PDLIM5: variants seen among roughly 807,000 people sequenced by gnomAD.
The protein encoded by PDLIM5 is PDZ and LIM domain 5, also known as PDZ and LIM domain protein 5.
PDLIM5 carries 34 observed loss-of-function variants against 64.2 expected under a neutral mutation model. The observed-to-expected ratio is 0.53, with a 90% CI of 0.40 to 0.71. PDLIM5 has a LOEUF of 0.71. Among genes scored for constraint, PDLIM5 ranks in the 30% least tolerant of loss-of-function variants. PDLIM5 has a pLI of 0.00. For synonymous variants in PDLIM5, 253 were observed against 269.1 expected, an observed-to-expected ratio of 0.94 and a Z score of 0.59; for missense variants, 683 against 733.6, an observed-to-expected ratio of 0.93 and a Z score of 0.80.
chr4:94,569,790 C>G (rs1475652092), intron 3 of PDLIM5, among the ~76,000 whole-genome samples: 2 of 152,184 alleles, frequency 1.3e-5, no homozygotes, highest in Non-Finnish European at 2.9e-5. Context: ...ACTTATGCTA[C>G]TTAAATTTAA....
rs147213128 is a variant in PDLIM5 at position 94,526,479 on chromosome 4, T to C, written c.248+2604T>C. On this transcript the variant is annotated intron_variant, in intron 3 of 12. Transcript: ENST00000317968. ...TATTTTAGAGTCCCATTATTATTCA[T>C]TGGCGTTCTCTTCAAGTTTTTGAGC... 4.5e-3 allele frequency among the ~76,000 whole-genome samples: 691 copies of C among 152,334 alleles called. 16 individuals carry two copies. The highest frequency in any genetic ancestry group is 7.3e-3 in the East Asian group (38 of 5,192).
intron 7 of PDLIM5, among the ~76,000 whole-genome samples, chr4:94,594,695 C>A (rs1364185874): frequency 6.6e-6 from 1 of 151,972 alleles, no homozygotes. Flanking sequence ...TCTCAATTTT[C>A]TACTATATTA....
At chr4:94,646,768 C>T (rs1012278181) in intron 9 of PDLIM5, among the ~76,000 whole-genome samples, 6 of 152,162 alleles carry the variant, frequency 3.9e-5, no homozygotes, top group African/African-American at 1.4e-4. Context: ...AGTTACCATA[C>T]TGGCACCATG....
chr4:94,533,441 C>T (rs1731065642), intron 3 of PDLIM5, among the ~76,000 whole-genome samples: 1 of 152,098 alleles, frequency 6.6e-6, no homozygotes. Flanking sequence ...TGGATCACAC[C>T]TAAAATAGTC....
chr4:94,518,010 A>G (rs894680701), intron 2 of PDLIM5, among the ~76,000 whole-genome samples: 5 of 152,174 alleles, frequency 3.3e-5, no homozygotes, highest in African/African-American at 1.2e-4. Context: ...AAACGCAAAT[A>G]GAGGTTATTG....
At chr4:94,633,681 A>G (rs1340651644) in intron 8 of PDLIM5, among the ~76,000 whole-genome samples, 1 of 152,154 alleles carries the variant, frequency 6.6e-6, no homozygotes, top group East Asian at 1.9e-4. Context: ...GGTGCTAGGG[A>G]TAGAGCAATG....
chr4:94,585,325 C>T (rs551933940), intron 5 of PDLIM5, among the ~76,000 whole-genome samples: 1 of 152,218 alleles, frequency 6.6e-6, no homozygotes, highest in Admixed American at 6.5e-5. Flanking sequence ...CTCCTGACCT[C>T]ATGATCCGCC....
At chr4:94,488,810 C>T (rs1296447886) in intron 2 of PDLIM5, among the ~76,000 whole-genome samples, 1 of 152,326 alleles carries the variant, frequency 6.6e-6, no homozygotes, top group South Asian at 2.1e-4. Context: ...TCCCCCTCTC[C>T]ACCCTCTTTG....
intron 3 of PDLIM5, among the ~76,000 whole-genome samples, chr4:94,546,438 A>T (rs1274587337): frequency 1.3e-5 from 2 of 152,198 alleles, no homozygotes; most frequent in East Asian, 3.8e-4. Context: ...CATATTAAGT[A>T]GTTTTTTTCT....
At chr4:94,459,142 A>G (rs1477266340) in intron 2 of PDLIM5, among the ~76,000 whole-genome samples, 4 of 152,164 alleles carry the variant, frequency 2.6e-5, no homozygotes, top group Admixed American at 2.0e-4. Flanking sequence ...TCAAGGCTAT[A>G]TTTTGGCCAG....
intron 2 of PDLIM5, among the ~76,000 whole-genome samples, chr4:94,485,818 C>G (rs1444126870): frequency 1.4e-5 from 2 of 148,066 alleles, no homozygotes; most frequent in African/African-American, 5.0e-5. Flanking sequence ...CCACTGCACT[C>G]CAGCCTAGGT....
chr4:94,586,990 G>C lies in PDLIM5; in HGVS notation c.920+546G>C, dbSNP rs1167053331. 2 of 1,552,648 alleles carry C rather than the reference G, an allele frequency of 1.3e-6. 1 individual carries two copies. Among genetic ancestry groups the C allele is most frequent in the East Asian group, 4.6e-5 (2 of 43,846 alleles). On this transcript the variant is annotated intron_variant, in intron 7 of 12. Transcript: ENST00000317968. ...TTTTTTTTTTTTGTATTTCCACAGG[G>C]AAAAGATACCCCTTCACGTCTTTAG...
intron 2 of PDLIM5, among the ~76,000 whole-genome samples, chr4:94,475,235 G>A (rs1345471554): frequency 6.6e-6 from 1 of 151,884 alleles, no homozygotes; most frequent in Non-Finnish European, 1.5e-5. Context: ...TTATTCTAAT[G>A]GAGAACTACT....
intron 2 of PDLIM5, among the ~76,000 whole-genome samples, chr4:94,485,861 A>AG (rs1370602138): frequency 1.3e-5 from 2 of 151,766 alleles, no homozygotes; most frequent in African/African-American, 2.4e-5. Context: ...AAAAAAAAAA[A>AG]AAAAAGAAAA....
chr4:94,608,260 A>G, intron 7 of PDLIM5: 1 of 920,248 alleles, frequency 1.1e-6, no homozygotes, highest in South Asian at 1.9e-5. Flanking sequence ...AAAAGAAAAA[A>G]TGATTGTTGA....
At chr4:94,616,102 A>G (rs561766445) in intron 7 of PDLIM5, among the ~76,000 whole-genome samples, 1 of 152,222 alleles carries the variant, frequency 6.6e-6, no homozygotes, top group Non-Finnish European at 1.5e-5. Flanking sequence ...TCCAGACTAT[A>G]TATTTTTGTT....
intron 8 of PDLIM5, among the ~76,000 whole-genome samples, chr4:94,624,850 C>A (rs1030980056): frequency 6.6e-6 from 1 of 152,068 alleles, no homozygotes; most frequent in African/African-American, 2.4e-5. Context: ...GGACTTGATG[C>A]TGAAAGGAAG....
chr4:94,544,838 TG>T (rs1348733986), intron 3 of PDLIM5, among the ~76,000 whole-genome samples: 1 of 152,214 alleles, frequency 6.6e-6, no homozygotes. Context: ...TGTCAGCTTT[TG>T]CTACTGCTTA....
At position 94,611,294 on chromosome 4, in the gene PDLIM5, A is replaced by G. The variant is rs542285332; in HGVS notation, c.921-6710A>G. The stretch of plus-strand genomic sequence containing the variant: ...CACTGTATTAACAGGCCAGGTGAGA[A>G]CATGCTAGAGTTCTAGGGATTTGTG... On this transcript the variant is annotated intron_variant, in intron 7 of 12. Coordinates refer to ENST00000317968, the MANE Select transcript of PDLIM5 (RefSeq NM_006457.5). 3.0e-4 allele frequency: 329 copies of G among 1,095,498 alleles called. 4 individuals carry two copies. In the South Asian group the frequency reaches 3.5e-3, roughly 11 times the overall value. The allele number at this position is 1,095,498 out of a possible 1,614,324, so 67.9% of individuals were successfully genotyped here.
Sources: gnomAD v4.1 joint callset for allele counts (sites outside exome capture counted in the v4.1 genomes callset) on GRCh38, gnomAD v4.1.1 for gene constraint, MANE v1.5 for transcripts, NCBI Gene and HGNC (gene_info 2026-07-23, HGNC 2026-07-21) for gene names.